CENPH: variants seen among roughly 807,000 people sequenced by gnomAD.
CENPH encodes centromere protein H, also known as CENP-H.
In CENPH, 40 loss-of-function variants were observed where a neutral mutation model predicts 42.9. The observed-to-expected ratio is 0.93, with a 90% confidence interval of 0.72 to 1.21. CENPH has a LOEUF of 1.21. Among genes scored for constraint, CENPH ranks in the 50% most tolerant of loss-of-function variants. The probability of loss-of-function intolerance (pLI) is 0.00; values close to 1 mark genes in which losing one functional copy is unlikely to be tolerated. For synonymous variants in CENPH, 88 were observed against 96.5 expected, an observed-to-expected ratio of 0.91 and a Z score of 0.52; for missense variants, 302 against 292.9, an observed-to-expected ratio of 1.03 and a Z score of -0.23.
At position 69,195,703 on chromosome 5, in the gene CENPH, T is replaced by C. The variant is rs190462268; in HGVS notation, c.240-14T>C. On this transcript the variant is annotated splice_polypyrimidine_tract_variant and intron_variant, in intron 3 of 8. Transcript: ENST00000283006. ...GATATTGCTGAAATTCTTTTGCTCA[T>C]GTTTCTTTGATAGTAAAATTGAAGA... 11 of 1,453,462 alleles carry C rather than the reference T, an allele frequency of 7.6e-6. No individual in the cohort carries two copies. The highest frequency in any genetic ancestry group is 1.1e-5 in the Non-Finnish European group (11 of 1,044,888). The allele number at this position is 1,453,462 out of a possible 1,614,324, so 90.0% of individuals were successfully genotyped here.
At position 69,202,927 on chromosome 5, in the gene CENPH, G is replaced by A. The variant is rs1233349510; in HGVS notation, c.444G>A (p.Trp148Ter). Residue 148 changes from tryptophan (W) to a stop codon, truncating the protein, a stop_gained, in exon 7 of 9, where the codon TGG becomes TGA. Transcript: ENST00000283006. LOFTEE classifies it high-confidence loss of function. The part of the protein sequence containing the change: ...KLIMKSQQES[W>*]DLEEKLLDIR... Reference sequence around the variant, plus strand: ...TTTATTTTTAATAACAGGAATCTTGGGATTTAGAGGAAAAACTGCTTGATA... The same window carrying A: ...TTTATTTTTAATAACAGGAATCTTGAGATTTAGAGGAAAAACTGCTTGATA... 2 of 1,579,342 alleles carry A rather than the reference G, an allele frequency of 1.3e-6. No individual in the cohort carries two copies. The highest frequency in any genetic ancestry group is 3.5e-5 in the Admixed American group (2 of 56,962).
chr5:69,194,547 A>C, intron 2 of CENPH, 100 bp from the exon 3 acceptor site: 1 of 628,218 alleles, frequency 1.6e-6, no homozygotes, highest in Non-Finnish European at 2.8e-6. Context: ...TGAAAACGAC[A>C]TTTTAAATGA....
At chr5:69,199,268 TC>T (rs1475413626) in intron 5 of CENPH, among the ~76,000 whole-genome samples, 2 of 152,268 alleles carry the variant, frequency 1.3e-5, no homozygotes, top group South Asian at 4.1e-4. Context: ...CACCTTCACC[TC>T]CCAGGTTCAA....
intron 5 of CENPH, among the ~76,000 whole-genome samples, chr5:69,197,836 A>G (rs1251058225): frequency 6.8e-6 from 1 of 147,656 alleles, no homozygotes; most frequent in Non-Finnish European, 1.5e-5. Flanking sequence ...AAAAATTATT[A>G]TGAGCAAAAA....
At chr5:69,201,166 AC>A (rs1380450613) in intron 5 of CENPH, among the ~76,000 whole-genome samples, 1 of 152,146 alleles carries the variant, frequency 6.6e-6, no homozygotes, top group African/African-American at 2.4e-5. Context: ...AGGAATCCTT[AC>A]TTAACGAACC....
rs74769504 is a variant in CENPH at position 69,207,928 on chromosome 5, T to G, written c.488-268T>G. The G allele has an allele frequency of 2.6e-3, 531 of 207,254 alleles. 2 individuals carry two copies. The highest frequency in any genetic ancestry group is 0.012 in the African/African-American group (510 of 43,718). 12.8% of individuals were successfully genotyped at this position (207,254 alleles called of 1,614,324 possible). Reference sequence around the variant, plus strand: ...ATAAGCCCTCATTACATGATGCCACTTGAAACATCTGTAGACAGCTGTTAT... The same window carrying G: ...ATAAGCCCTCATTACATGATGCCACGTGAAACATCTGTAGACAGCTGTTAT... On this transcript the variant is annotated intron_variant, in intron 7 of 8. Transcript: ENST00000283006.
At chr5:69,192,042 C>T (rs1301734438) in intron 2 of CENPH, among the ~76,000 whole-genome samples, 192 bp downstream of exon 2, 6 of 152,128 alleles carry the variant, frequency 3.9e-5, no homozygotes, top group African/African-American at 9.7e-5. Flanking sequence ...CATGCTACTG[C>T]GCCCGTCTAA....
At chr5:69,194,184 G>T (rs934977231) in intron 2 of CENPH, among the ~76,000 whole-genome samples, 4 of 150,374 alleles carry the variant, frequency 2.7e-5, no homozygotes, top group African/African-American at 9.8e-5. Context: ...TTTTTGAGAT[G>T]ATCTCACTCA....
chr5:69,192,216 A>G (rs1375573017), intron 2 of CENPH, among the ~76,000 whole-genome samples: 2 of 152,230 alleles, frequency 1.3e-5, no homozygotes, highest in African/African-American at 2.4e-5. Context: ...AACATGCAAG[A>G]TATTTATGAA....
At position 69,197,045 on chromosome 5, in the gene CENPH, T is replaced by G; in HGVS notation, c.315-8T>G. On this transcript the variant is annotated splice_region_variant and splice_polypyrimidine_tract_variant and intron_variant, in intron 4 of 8. Transcript: ENST00000283006. ...TGTTTTATAATGCAAGCTTTTTCCC[T>G]CTCATAGGATGAGACTTTCAACTGC... 1 of 1,544,414 alleles carries G rather than the reference T, an allele frequency of 6.5e-7. No individual in the cohort carries two copies. Among genetic ancestry groups the G allele is most frequent in the Non-Finnish European group, 8.7e-7 (1 of 1,150,798 alleles).
At chr5:69,209,022 C>T (rs1198364517) in intron 8 of CENPH, among the ~76,000 whole-genome samples, 4 of 150,372 alleles carry the variant, frequency 2.7e-5, no homozygotes, top group South Asian at 2.1e-4. Flanking sequence ...TCTCGAACTC[C>T]GATGTCAGGT....
At chr5:69,204,340 GCGTGATCATAGTTCTT>G (rs1748112160) in intron 7 of CENPH, among the ~76,000 whole-genome samples, 1 of 151,218 alleles carries the variant, frequency 6.6e-6, no homozygotes. Context: ...GAGTGCAGTG[GCGTGATCATAGTTCTT>G]TGCAGTTCAG....
chr5:69,206,331 G>A (rs1446620133), intron 7 of CENPH, among the ~76,000 whole-genome samples: 2 of 149,212 alleles, frequency 1.3e-5, no homozygotes, highest in Non-Finnish European at 3.0e-5. Flanking sequence ...ACAAGCGCCC[G>A]CCACCACTCC....
chr5:69,201,575 G>A (rs1561323551), intron 5 of CENPH, among the ~76,000 whole-genome samples: 1 of 152,174 alleles, frequency 6.6e-6, no homozygotes, highest in Non-Finnish European at 1.5e-5. Context: ...CCCAAAGAAT[G>A]GGTGGGGCCT....
At chr5:69,209,314 A>G in intron 8 of CENPH, among the ~76,000 whole-genome samples, 1 of 151,740 alleles carries the variant, frequency 6.6e-6, no homozygotes, top group East Asian at 2.0e-4. Context: ...TGAGGTCAGG[A>G]GTTTGAGGCC....
chr5:69,201,840 A>G (rs1748064170), intron 5 of CENPH, among the ~76,000 whole-genome samples: 2 of 152,226 alleles, frequency 1.3e-5, no homozygotes, highest in African/African-American at 4.8e-5. Flanking sequence ...CCTGGGTGGC[A>G]GAGCGAGACC....
At chr5:69,189,948 C>G (rs1747839328) in intron 1 of CENPH, among the ~76,000 whole-genome samples, 180 bp downstream of exon 1, 1 of 152,148 alleles carries the variant, frequency 6.6e-6, no homozygotes, top group African/African-American at 2.4e-5. Context: ...GAAAAATGAC[C>G]CCCTGGAGAG....
At chr5:69,208,443 T>G in intron 8 of CENPH, 84 bp downstream of exon 8, 1 of 807,266 alleles carries the variant, frequency 1.2e-6, no homozygotes, top group Non-Finnish European at 1.9e-6. Context: ...CATTGCAAAC[T>G]CCGCCTCCTG....
At position 69,197,074 on chromosome 5, in the gene CENPH, T is replaced by TA. The variant is rs756360875; in HGVS notation, c.344dup (p.Asn115LysfsTer6). 158 of 1,575,422 alleles carry TA rather than the reference T, an allele frequency of 1.0e-4. No homozygotes were observed. Among genetic ancestry groups the TA allele is most frequent in the Middle Eastern group, 3.4e-4 (2 of 5,900 alleles). On this transcript the variant is annotated frameshift_variant, in exon 5 of 9. Coordinates refer to ENST00000283006, the MANE Select transcript of CENPH (RefSeq NM_022909.4). LOFTEE classifies it high-confidence loss of function. ...ATAGGATGAGACTTTCAACTGCACT[T>TA]AAAAAAAACCTGGAGAAAATTAGCA...
Sources: gnomAD v4.1 joint callset for allele counts (sites outside exome capture counted in the v4.1 genomes callset) on GRCh38, gnomAD v4.1.1 for gene constraint, MANE v1.5 for transcripts, NCBI Gene and HGNC (gene_info 2026-07-23, HGNC 2026-07-21) for gene names.